Variants in GLB1 observed in about 807,000 individuals in gnomAD.
GLB1 encodes the protein galactosidase beta 1, also known as beta-galactosidase.
GLB1 carries 56 observed loss-of-function variants against 74.0 expected under a neutral mutation model. That is an observed-to-expected ratio of 0.76 (90% CI 0.61 to 0.94). The LOEUF is 0.94. Among genes scored for constraint, GLB1 ranks in the 40% least tolerant of loss-of-function variants. GLB1 has a pLI of 0.00. For synonymous variants in GLB1, 323 were observed against 323.6 expected (o/e 1.00, Z 0.02); for missense variants, 787 against 845.5 (o/e 0.93, Z 0.86).
chr3:33,021,623 CAG>C lies in GLB1; in HGVS notation c.1174_1175del (p.Leu392ValfsTer64), dbSNP rs398123348. 13 of 1,613,926 alleles carry C rather than the reference CAG, an allele frequency of 8.1e-6. No individual in the cohort carries two copies. Among genetic ancestry groups the C allele is most frequent in the African/African-American group, 2.7e-5 (2 of 74,920 alleles). On this transcript the variant is annotated frameshift_variant, in exon 12 of 16. Coordinates refer to ENST00000307363, the MANE Select transcript of GLB1 (RefSeq NM_000404.4). LOFTEE classifies it high-confidence loss of function. Reference sequence around the variant, plus strand: ...GGCTTTTGATGGGCCCAGAGGGACACAGAATGTCCAGAGCTGCTCCCACTGTC... The same window carrying C: ...GGCTTTTGATGGGCCCAGAGGGACACAATGTCCAGAGCTGCTCCCACTGTC... ...LKTVGAALDI[L>X]CPSGPIKSLY... is the part of the protein sequence containing the mutation.
chr3:33,059,588 A>T (rs1184101369), intron 5 of GLB1, among the ~76,000 whole-genome samples: 2 of 152,208 alleles, frequency 1.3e-5, no homozygotes, highest in Non-Finnish European at 2.9e-5. Flanking sequence ...GAGTACACAC[A>T]TAGGTGGTAA....
intron 14 of GLB1, among the ~76,000 whole-genome samples, chr3:33,015,081 A>T (rs114299422): frequency 0.016 from 2,456 of 152,274 alleles, 69 homozygotes; most frequent in East Asian, 0.077. Flanking sequence ...GCTTGAGCCC[A>T]GGAGACAGAG....
At chr3:33,053,394 A>G (rs1699079754) in intron 7 of GLB1, 97 bp downstream of exon 7, 2 of 1,574,816 alleles carry the variant, frequency 1.3e-6, no homozygotes, top group Admixed American at 1.7e-5. Context: ...TGCTGACTCC[A>G]GAGCCAAAAA....
At chr3:33,077,251 T>C in intron 1 of GLB1, 2 of 1,566,228 alleles carry the variant, frequency 1.3e-6, no homozygotes, top group Non-Finnish European at 1.7e-6. Flanking sequence ...AGAACAAAGA[T>C]CATATTAATT....
intron 15 of GLB1, among the ~76,000 whole-genome samples, chr3:33,000,233 G>A (rs1331589217): frequency 3.3e-5 from 5 of 152,218 alleles, no homozygotes; most frequent in Non-Finnish European, 5.9e-5. Context: ...GAGCCACCTC[G>A]CCTGGCCATG....
chr3:33,038,505 A>G (rs1698377828), intron 10 of GLB1, among the ~76,000 whole-genome samples: 1 of 152,198 alleles, frequency 6.6e-6, no homozygotes, highest in African/African-American at 2.4e-5. Flanking sequence ...GAAAGCTACC[A>G]AAGCAGAAAG....
Position 33,065,566 on chromosome 3 carries a change from C to T in GLB1, c.458-9G>A. Reference sequence around the variant, plus strand: ...CACAGCTGCCAGGTAATCTGGAAAACAAGAAAAGTTTAACACAAGCTTGTC... The same window carrying T: ...CACAGCTGCCAGGTAATCTGGAAAATAAGAAAAGTTTAACACAAGCTTGTC... On this transcript the variant is annotated splice_polypyrimidine_tract_variant and intron_variant, in intron 4 of 15. Coordinates refer to ENST00000307363, the MANE Select transcript of GLB1 (RefSeq NM_000404.4). The T allele has an allele frequency of 6.4e-7, 1 of 1,564,714 alleles. No homozygotes were observed. The highest frequency in any genetic ancestry group is 8.7e-7 in the Non-Finnish European group (1 of 1,152,252).
intron 9 of GLB1, among the ~76,000 whole-genome samples, chr3:33,047,521 C>T (rs1208697770): frequency 1.3e-5 from 2 of 152,238 alleles, no homozygotes; most frequent in Non-Finnish European, 2.9e-5. Context: ...GGCTTTGTGC[C>T]TTCCTCCTCT....
chr3:32,995,594 G>T (rs1335984912), downstream of GLB1, among the ~76,000 whole-genome samples: 3 of 151,978 alleles, frequency 2.0e-5, no homozygotes, highest in Admixed American at 2.0e-4. Flanking sequence ...ATATTTATTA[G>T]TTGTGCCTAT....
chr3:32,982,763 C>T, the GLB1 span, among the ~76,000 whole-genome samples: 1 of 152,256 alleles, frequency 6.6e-6, no homozygotes, highest in East Asian at 1.9e-4. Flanking sequence ...GAATCATCTT[C>T]TTTCTGACTG....
At chr3:33,082,083 C>T (rs1240620362) in intron 1 of GLB1, among the ~76,000 whole-genome samples, 2 of 152,130 alleles carry the variant, frequency 1.3e-5, no homozygotes, top group Non-Finnish European at 2.9e-5. Context: ...TAACTGTGTC[C>T]TAAGAAAAGG....
chr3:33,045,525 A>G (rs1049056131), intron 10 of GLB1: 1 of 988,358 alleles, frequency 1.0e-6, no homozygotes, highest in Admixed American at 5.9e-5. Flanking sequence ...CTCTCTTGCA[A>G]ATAAGGACGG....
downstream of GLB1, among the ~76,000 whole-genome samples, chr3:32,993,980 C>T (rs1696265702): frequency 6.6e-6 from 1 of 152,128 alleles, no homozygotes; most frequent in Admixed American, 6.6e-5. Flanking sequence ...CTTCATTATT[C>T]ACTATCTTCA....
At chr3:32,970,130 C>T in the GLB1 span, among the ~76,000 whole-genome samples, 1 of 152,182 alleles carries the variant, frequency 6.6e-6, no homozygotes, top group Non-Finnish European at 1.5e-5. Flanking sequence ...AATGAACCAA[C>T]ATTTGTGGCT....
At chr3:33,052,036 T>C (rs766616875) in intron 7 of GLB1, 32 bp from the exon 8 acceptor site, 4 of 1,611,292 alleles carry the variant, frequency 2.5e-6, no homozygotes, top group South Asian at 2.2e-5. Flanking sequence ...GCCCTTAGGA[T>C]AGACTTATGA....
At chr3:32,991,686 C>A (rs1407402577), downstream of GLB1, among the ~76,000 whole-genome samples, 1 of 152,200 alleles carries the variant, frequency 6.6e-6, no homozygotes, top group Non-Finnish European at 1.5e-5. Flanking sequence ...TTATAAGAAG[C>A]CTGAGTCACA....
intron 5 of GLB1, among the ~76,000 whole-genome samples, chr3:33,061,005 T>C (rs1699420320): frequency 6.6e-6 from 1 of 152,032 alleles, no homozygotes; most frequent in African/African-American, 2.4e-5. Context: ...GGGTGAAGGC[T>C]GGGGGTAGGT....
chr3:33,024,387 T>C (rs1454537645), intron 10 of GLB1, 62 bp from the exon 11 acceptor site: 5 of 1,514,380 alleles, frequency 3.3e-6, no homozygotes, highest in Admixed American at 2.0e-5. Context: ...CAGAAACATA[T>C]TCATAAAATT....
intron 9 of GLB1, among the ~76,000 whole-genome samples, chr3:33,047,703 C>T (rs1698797317): frequency 6.6e-6 from 1 of 152,132 alleles, no homozygotes; most frequent in African/African-American, 2.4e-5. Flanking sequence ...CCTTGGGTGA[C>T]CTACTGGTTG....
Sources: gnomAD v4.1 joint callset for allele counts (sites outside exome capture counted in the v4.1 genomes callset) on GRCh38, gnomAD v4.1.1 for gene constraint, MANE v1.5 for transcripts, NCBI Gene and HGNC (gene_info 2026-07-23, HGNC 2026-07-21) for gene names.